Variants in MBD6 observed in about 807,000 individuals in gnomAD.
MBD6 encodes methyl-CpG-binding domain protein 6.
Under a neutral mutation model 66.8 loss-of-function variants are expected in MBD6, and 22 were observed. The ratio of observed to expected loss-of-function variants is 0.33; its 90% CI spans 0.24 to 0.47. The LOEUF is 0.47. MBD6 is among the 20% of genes least tolerant of loss of function. The pLI, the probability that MBD6 is intolerant of heterozygous loss-of-function variation, is 1.00. For synonymous variants in MBD6, 540 were observed against 534.6 expected, an observed-to-expected ratio of 1.01 and a Z score of -0.14; for missense variants, 1,322 against 1,286.9, an observed-to-expected ratio of 1.03 and a Z score of -0.42.
At chr12:57,522,192 CG>C (rs1290197316), upstream of MBD6, among the ~76,000 whole-genome samples, 5 of 152,308 alleles carry the variant, frequency 3.3e-5, 1 homozygote, top group Admixed American at 3.3e-4. Flanking sequence ...TAGGCTGCTC[CG>C]CTGCTCCACA....
At position 57,529,204 on chromosome 12, in the gene MBD6, C is replaced by T. The variant is rs1879349061; in HGVS notation, c.2982C>T (p.Ala994=). 6.2e-7 allele frequency: 1 copy of T among 1,613,918 alleles called. No homozygotes were observed. The highest frequency in any genetic ancestry group is 1.7e-5 in the Admixed American group (1 of 59,998). Residue 994 remains alanine (A), a synonymous_variant, in exon 13 of 13, where the codon GCC becomes GCT. Transcript: ENST00000355673. ...CCCGGGCCCGCCCTGGCCGTCCTGC[C>T]AAAAACAAGAGGAGGAAACTGGCCC... ...LPPRARPGRP[A]KNKRRKLAP
Position 57,528,552 on chromosome 12 carries a change from G to T in MBD6, c.2812G>T (p.Asp938Tyr). The change falls in exon 10 of 13, where the codon GAC becomes TAC. Residue 938 changes from aspartate to tyrosine, a missense_variant. Transcript: ENST00000355673. ...DPPPPGPHSE[D>Y]LKVPPGVVRK... Reference sequence around the variant, plus strand: ...ACCCCCTCCCGGGCCCCATTCTGAGGACCTTAAGGTGAGTGCAGAGTGCTG... The same window carrying T: ...ACCCCCTCCCGGGCCCCATTCTGAGTACCTTAAGGTGAGTGCAGAGTGCTG... The T allele has an allele frequency of 6.2e-7, 1 of 1,609,700 alleles. No individual in the cohort carries two copies. The highest frequency in any genetic ancestry group is 1.3e-5 in the African/African-American group (1 of 74,932).
chr12:57,529,097 G>C (rs1879329514), intron 12 of MBD6, 63 bp from the exon 13 acceptor site: 1 of 1,612,996 alleles, frequency 6.2e-7, no homozygotes, highest in Non-Finnish European at 8.5e-7. Flanking sequence ...GGAGTGGGGA[G>C]AAAAGAAGAC....
chr12:57,530,894 G>C (rs1006872916), downstream of MBD6: 1 of 872,588 alleles, frequency 1.1e-6, no homozygotes. Flanking sequence ...GTGGGCCACA[G>C]AGGGGGGATG....
At chr12:57,524,592 C>G in intron 3 of MBD6, 128 bp from the exon 4 acceptor site, 1 of 1,090,394 alleles carries the variant, frequency 9.2e-7, no homozygotes, top group Non-Finnish European at 1.4e-6. Context: ...CTCCCTTTTT[C>G]TGTGTCTTCC....
upstream of MBD6, chr12:57,521,101 C>A (rs1878303905): frequency 6.6e-6 from 1 of 152,294 alleles, no homozygotes; most frequent in Non-Finnish European, 1.5e-5. Context: ...GGCACATAGG[C>A]CTTTTGAACT....
chr12:57,529,419 CCCCCCCCCA>C lies in MBD6; in HGVS notation c.*188_*196del. On this transcript the variant is annotated 3_prime_UTR_variant, in exon 13 of 13. Transcript: ENST00000355673. ...CCATTGCAGGGGGCAGGGAAGTTCA[CCCCCCCCCA>C]CCACCCCCCCGCCCCCCCGAAGCCA... The C allele has an allele frequency of 2.9e-6, 1 of 347,356 alleles. No homozygotes were observed. The highest frequency in any genetic ancestry group is 5.1e-6 in the Non-Finnish European group (1 of 195,360). The allele number at this position is 347,356 out of a possible 1,614,324, so 21.5% of individuals were successfully genotyped here. A position where few individuals can be genotyped will look rare whatever the true frequency, so the allele number is the denominator to read the frequency against.
At chr12:57,522,376 C>G (rs760311810), upstream of MBD6, among the ~76,000 whole-genome samples, 2 of 152,206 alleles carry the variant, frequency 1.3e-5, no homozygotes, top group African/African-American at 2.4e-5. Context: ...CAGCACACTA[C>G]CCGGGAAGCC....
chr12:57,528,263 C>T lies in MBD6; in HGVS notation c.2523C>T (p.Pro841=), dbSNP rs367593369. Reference sequence around the variant, plus strand: ...CCTTAGCCCCACCCCATGGTTCTCCCGACCCCCCAGTCCCTGAGCTGCTCA... The same window carrying T: ...CCTTAGCCCCACCCCATGGTTCTCCTGACCCCCCAGTCCCTGAGCTGCTCA... The part of the protein sequence containing the change: ...LSALAPPHGS[P]DPPVPELLTG... The change falls in exon 10 of 13, where the codon CCC becomes CCT. Residue 841 remains proline (P), a synonymous_variant. Transcript: ENST00000355673. 2.9e-5 allele frequency: 46 copies of T among 1,604,390 alleles called. 1 individual carries two copies. Among genetic ancestry groups the T allele is most frequent in the South Asian group, 1.0e-4 (9 of 89,772 alleles).
At position 57,527,159 on chromosome 12, in the gene MBD6, A is replaced by G. The variant is rs753175638; in HGVS notation, c.2014A>G (p.Thr672Ala). Reference protein sequence around the residue: ...LLFPPLSAPPTLIALNSALLA... With the variant: ...LLFPPLSAPPALIALNSALLA... ...TTTCCCCCCACTTTCAGCCCCCCCT[A>G]CCCTCATAGCTTTAAATTCTGCGCT... Residue 672 changes from threonine (T) to alanine (A), a missense_variant, in exon 7 of 13, where the codon ACC (threonine) becomes GCC (alanine). Transcript: ENST00000355673. 1.5e-5 allele frequency: 21 copies of G among 1,419,410 alleles called. No individual in the cohort carries two copies. In the African/African-American group the frequency reaches 2.9e-4, roughly 19 times the overall value. The allele number at this position is 1,419,410 out of a possible 1,614,324, so 87.9% of individuals were successfully genotyped here.
chr12:57,524,524 C>A, intron 3 of MBD6, 108 bp downstream of exon 3: 1 of 1,115,026 alleles, frequency 9.0e-7, no homozygotes, highest in Non-Finnish European at 1.3e-6. Flanking sequence ...GCTCTCCTCT[C>A]TTCCCCTTCC....
chr12:57,524,829 G>A lies in MBD6; in HGVS notation c.216+7G>A, dbSNP rs1338921263. Reference sequence around the variant, plus strand: ...TCCACTTAATGTCCCCAAGGTCAGAGTGGTGAGGGGCGCCTGAGAGTACAG... The same window carrying A: ...TCCACTTAATGTCCCCAAGGTCAGAATGGTGAGGGGCGCCTGAGAGTACAG... On this transcript the variant is annotated splice_region_variant and intron_variant, in intron 4 of 12. Transcript: ENST00000355673. 1 of 1,614,194 alleles carries A rather than the reference G, an allele frequency of 6.2e-7. No individual in the cohort carries two copies. Among genetic ancestry groups the A allele is most frequent in the South Asian group, 1.1e-5 (1 of 91,088 alleles).
chr12:57,526,515 A>G (rs1878970248), intron 6 of MBD6, 51 bp from the exon 7 acceptor site: 6 of 1,512,418 alleles, frequency 4.0e-6, no homozygotes, highest in Admixed American at 2.3e-5. Context: ...GCTTCTTTGG[A>G]TGATGGGAGA....
chr12:57,530,423 T>C, downstream of MBD6: 1 of 403,812 alleles, frequency 2.5e-6, no homozygotes, highest in South Asian at 4.6e-5. Context: ...CAAAGCAGTA[T>C]TGGACATGAG....
At position 57,526,268 on chromosome 12, in the gene MBD6, G is replaced by A; in HGVS notation, c.1300G>A (p.Gly434Arg). ...CTCTGATGGAAGCTTTAACCTTTTG[G>A]GGTCAGATGCACACCTTCCTCCTCC... Reference protein sequence around the residue: ...SHSDGSFNLLGSDAHLPPPPT... With the variant: ...SHSDGSFNLLRSDAHLPPPPT... Residue 434 changes from glycine to arginine, a missense_variant, in exon 6 of 13, where the codon GGG becomes AGG. By Grantham distance (125) the Gly-to-Arg change is moderately radical. Coordinates refer to ENST00000355673, the MANE Select transcript of MBD6 (RefSeq NM_052897.4). The A allele has an allele frequency of 6.2e-7, 1 of 1,613,568 alleles. No individual in the cohort carries two copies. The highest frequency in any genetic ancestry group is 8.5e-7 in the Non-Finnish European group (1 of 1,179,864).
chr12:57,521,451 GACT>G (rs1878332660), upstream of MBD6, among the ~76,000 whole-genome samples: 1 of 152,256 alleles, frequency 6.6e-6, no homozygotes, highest in Admixed American at 6.5e-5. Flanking sequence ...GACAGAGCGA[GACT>G]ACGTTTCACC....
In MBD6 at chr12:57,525,636, A is replaced by G. The variant is rs749888994; in HGVS notation, c.668A>G (p.Asn223Ser). 6.2e-6 allele frequency: 10 copies of G among 1,613,542 alleles called. No individual in the cohort carries two copies. Among genetic ancestry groups the G allele is most frequent in the East Asian group, 4.5e-5 (2 of 44,852 alleles). Residue 223 changes from asparagine to serine, a missense_variant, in exon 6 of 13, where the codon AAT becomes AGT. Coordinates refer to ENST00000355673, the MANE Select transcript of MBD6 (RefSeq NM_052897.4). ...APPPPPAISLNAPSYNWGAAL... is the reference protein window; with the variant it reads ...APPPPPAISLSAPSYNWGAAL... The stretch of plus-strand genomic sequence containing the variant: ...CCTCCTCCACCTGCTATCAGCCTCA[A>G]TGCTCCCTCATACAACTGGGGAGCT...
chr12:57,524,249 C>T, intron 2 of MBD6, 31 bp from the exon 3 acceptor site: 1 of 1,350,960 alleles, frequency 7.4e-7, no homozygotes, highest in East Asian at 2.3e-5. Context: ...TTTAATCCTC[C>T]TAGTGCCTAC....
In MBD6 at chr12:57,525,937, A is replaced by T; in HGVS notation, c.969A>T (p.Leu323=). The change falls in exon 6 of 13, where the codon CTA becomes CTT. Residue 323 remains leucine, a synonymous_variant. Transcript: ENST00000355673. ...CACCCCCCTTCCTTGCTAGCAGCCT[A>T]CTCTCTGCAGCGGCCAAGGCACAGC... ...PGAPPFLASS[L]LSAAAKAQHP... The T allele has an allele frequency of 6.2e-7, 1 of 1,606,984 alleles. No individual in the cohort carries two copies. Among genetic ancestry groups the T allele is most frequent in the South Asian group, 1.1e-5 (1 of 90,802 alleles).
Sources: gnomAD v4.1 joint callset for allele counts (sites outside exome capture counted in the v4.1 genomes callset) on GRCh38, gnomAD v4.1.1 for gene constraint, MANE v1.5 for transcripts, NCBI Gene and HGNC (gene_info 2026-07-23, HGNC 2026-07-21) for gene names.